Variants in RAB3GAP1 observed in about 807,000 individuals in gnomAD.
RAB3GAP1 encodes RAB3 GTPase activating protein catalytic subunit 1.
In RAB3GAP1, 86 loss-of-function variants were observed where a neutral mutation model predicts 130.7. The observed-to-expected ratio is 0.66, with a 90% CI of 0.55 to 0.79. The LOEUF (loss-of-function observed/expected upper bound fraction) is 0.79. Ranked by LOEUF, RAB3GAP1 falls within the 30% of genes least tolerant of loss-of-function variation. The pLI is 0.00. For synonymous variants in RAB3GAP1, 367 were observed against 401.7 expected (o/e 0.91, Z 1.03); for missense variants, 1,029 against 1,169.4 (o/e 0.88, Z 1.75).
At chr2:135,072,845 G>A (rs930793617) in intron 3 of RAB3GAP1, among the ~76,000 whole-genome samples, 2 of 152,174 alleles carry the variant, frequency 1.3e-5, no homozygotes, top group Non-Finnish European at 2.9e-5. Flanking sequence ...TGTATTACAT[G>A]TTGCTGTGTG....
intron 3 of RAB3GAP1, among the ~76,000 whole-genome samples, chr2:135,070,252 C>G (rs1689428974): frequency 6.6e-6 from 1 of 152,220 alleles, no homozygotes; most frequent in Admixed American, 6.5e-5. Flanking sequence ...GTGTCCCGGG[C>G]TGCAGTCCTC....
chr2:135,056,589 T>C (rs1333553047), intron 2 of RAB3GAP1, among the ~76,000 whole-genome samples: 2 of 152,226 alleles, frequency 1.3e-5, no homozygotes, highest in African/African-American at 4.8e-5. Context: ...TTTCCTGCAG[T>C]TGGGCATTAA....
chr2:135,162,490 TGTAA>T (rs750600147), intron 19 of RAB3GAP1, 61 bp from the exon 20 acceptor site: 1 of 1,263,672 alleles, frequency 7.9e-7, no homozygotes, highest in Non-Finnish European at 1.1e-6. Context: ...TTTGCACTTC[TGTAA>T]GTGGCTGCTT....
chr2:135,129,315 G>A (rs1691452852), intron 11 of RAB3GAP1, among the ~76,000 whole-genome samples: 1 of 151,812 alleles, frequency 6.6e-6, no homozygotes, highest in Admixed American at 6.6e-5. Flanking sequence ...AGCCAGGCGT[G>A]GTTGTGGGTG....
chr2:135,052,500 T>G lies in RAB3GAP1; in HGVS notation c.74+15T>G. On this transcript the variant is annotated intron_variant, in intron 2 of 23. Transcript: ENST00000264158. ...GAATGGGAAAGGTGAGTGAATCGCATTTTTGGTTACCAGCTCCCATGGGCC... is the reference window on the plus strand; with the variant it reads ...GAATGGGAAAGGTGAGTGAATCGCAGTTTTGGTTACCAGCTCCCATGGGCC... 6.2e-7 allele frequency: 1 copy of G among 1,613,120 alleles called. No homozygotes were observed. The highest frequency in any genetic ancestry group is 8.5e-7 in the Non-Finnish European group (1 of 1,180,004).
At chr2:135,055,837 C>CTT (rs143968556) in intron 2 of RAB3GAP1, among the ~76,000 whole-genome samples, 10 of 150,960 alleles carry the variant, frequency 6.6e-5, no homozygotes, top group African/African-American at 2.2e-4. Context: ...GACATATTTC[C>CTT]TTTTTTTTTC....
At chr2:135,150,653 T>G in intron 18 of RAB3GAP1, 147 bp downstream of exon 18, 1 of 1,032,480 alleles carries the variant, frequency 9.7e-7, no homozygotes. Context: ...TCTGCCACCA[T>G]CCCCCCAGAG....
At chr2:135,129,970 A>G in intron 11 of RAB3GAP1, 25 bp from the exon 12 acceptor site, 1 of 1,525,712 alleles carries the variant, frequency 6.6e-7, no homozygotes, top group East Asian at 2.3e-5. Flanking sequence ...GTTAAGTGTC[A>G]AAAATAACTT....
chr2:135,062,860 T>C (rs1689214887), intron 3 of RAB3GAP1, among the ~76,000 whole-genome samples: 1 of 152,254 alleles, frequency 6.6e-6, no homozygotes, highest in African/African-American at 2.4e-5. Flanking sequence ...TGGTAAAATT[T>C]TGTATGTTAA....
At chr2:135,117,678 GCTT>G in intron 7 of RAB3GAP1, among the ~76,000 whole-genome samples, 1 of 98,478 alleles carries the variant, frequency 1.0e-5, no homozygotes, top group South Asian at 3.2e-4. Context: ...TGCTTCTTCT[GCTT>G]CTGCTTCTTC....
intron 17 of RAB3GAP1, among the ~76,000 whole-genome samples, chr2:135,146,332 C>T (rs1382120794): frequency 2.0e-5 from 3 of 150,654 alleles, no homozygotes; most frequent in African/African-American, 7.3e-5. Context: ...GTGCCTCAGC[C>T]TCCTGAGTAG....
At chr2:135,145,253 CCT>C (rs1360003430) in intron 17 of RAB3GAP1, among the ~76,000 whole-genome samples, 1 of 151,978 alleles carries the variant, frequency 6.6e-6, no homozygotes, top group Non-Finnish European at 1.5e-5. Flanking sequence ...AATTTTTTCT[CCT>C]AAGTTATTTT....
intron 6 of RAB3GAP1, among the ~76,000 whole-genome samples, chr2:135,114,201 A>C (rs1225211226): frequency 6.6e-6 from 1 of 152,178 alleles, no homozygotes; most frequent in African/African-American, 2.4e-5. Context: ...AAACAATTCA[A>C]TGTATATCTG....
intron 3 of RAB3GAP1, among the ~76,000 whole-genome samples, chr2:135,065,117 C>G (rs1292994328): frequency 6.6e-6 from 1 of 152,102 alleles, no homozygotes; most frequent in Non-Finnish European, 1.5e-5. Flanking sequence ...GGACTTACCC[C>G]CTTTTGGCTT....
chr2:135,129,944 ATTT>A, intron 11 of RAB3GAP1, 48 bp from the exon 12 acceptor site: 18 of 937,022 alleles, frequency 1.9e-5, no homozygotes, highest in Non-Finnish European at 2.3e-5. Context: ...TATAGGACTG[ATTT>A]TTTTTTTTTT....
intron 18 of RAB3GAP1, 89 bp from the exon 19 acceptor site, chr2:135,153,560 C>A: frequency 8.1e-7 from 1 of 1,231,458 alleles, no homozygotes; most frequent in Non-Finnish European, 1.2e-6. Context: ...ATTAGATAGG[C>A]TTTTTTTGAA....
rs78388934 is a variant in RAB3GAP1, at chr2:135,118,304, A to G, written c.649-2515A>G. Among the ~76,000 whole-genome samples, 1,073 of 152,304 alleles carry G rather than the reference A, an allele frequency of 7.0e-3. 12 individuals carry two copies. The highest frequency in any genetic ancestry group is 0.024 in the African/African-American group (1,003 of 41,560). ...AAAAAAAAAAGTTTTTAATCAGTTT[A>G]TCTCATCATCTGACAAACCTAAAAC... On this transcript the variant is annotated intron_variant, in intron 7 of 23. Coordinates refer to ENST00000264158, the MANE Select transcript of RAB3GAP1 (RefSeq NM_012233.3).
intron 3 of RAB3GAP1, among the ~76,000 whole-genome samples, chr2:135,077,474 T>C (rs1394986245): frequency 6.6e-6 from 1 of 152,166 alleles, no homozygotes; most frequent in African/African-American, 2.4e-5. Context: ...GGAAGATTAC[T>C]TGAGGCCAGG....
Position 135,095,981 on chromosome 2 carries a change from G to GA in RAB3GAP1, c.362+2294dup, listed in dbSNP as rs1251918736. 2.0e-5 allele frequency among the ~76,000 whole-genome samples: 3 copies of GA among 152,150 alleles called. No homozygotes were observed. The East Asian group carries it at 5.8e-4, about 29-fold the overall frequency. On this transcript the variant is annotated intron_variant, in intron 5 of 23. Transcript: ENST00000264158. ...ACTGTTCTATTGGTACTATATATAG[G>GA]AAAAAACAGTACATACAGGCTTTGA...
Sources: allele counts gnomAD v4.1 joint callset (sites outside exome capture counted in the v4.1 genomes callset), GRCh38; gene constraint gnomAD v4.1.1; transcripts MANE v1.5; gene names NCBI Gene and HGNC (gene_info 2026-07-23, HGNC 2026-07-21).